PSPC1: variants seen among roughly 807,000 people sequenced by gnomAD.
PSPC1 encodes paraspeckle protein 1.
In PSPC1, 14 loss-of-function variants were observed where a neutral mutation model predicts 51.6. The ratio of observed to expected loss-of-function variants is 0.27; its 90% CI spans 0.18 to 0.42. The LOEUF (loss-of-function observed/expected upper bound fraction) is 0.42. Among genes scored for constraint, PSPC1 ranks in the 10% least tolerant of loss-of-function variants. The pLI is 1.00. For synonymous variants in PSPC1, 193 were observed against 231.9 expected, an observed-to-expected ratio of 0.83 and a Z score of 1.53; for missense variants, 406 against 701.1, an observed-to-expected ratio of 0.58 and a Z score of 4.75.
intron 6 of PSPC1, chr13:19,678,590 C>A (rs189893389): frequency 6.6e-6 from 1 of 152,198 alleles, no homozygotes; most frequent in Non-Finnish European, 1.5e-5. Context: ...ACTCAATTTG[C>A]CTGAGAATTG....
intron 6 of PSPC1, chr13:19,678,093 T>C: frequency 3.6e-6 from 1 of 281,148 alleles, no homozygotes; most frequent in Middle Eastern, 1.3e-3. Context: ...TACCAAATAA[T>C]TTTCAGATCT....
chr13:19,758,844 A>T (rs1303071269), intron 3 of PSPC1, among the ~76,000 whole-genome samples: 3 of 151,682 alleles, frequency 2.0e-5, no homozygotes, highest in Non-Finnish European at 2.9e-5. Context: ...TCAAAAACAA[A>T]AAAAAAAAAA....
chr13:19,671,672 T>C (rs1593495592), downstream of PSPC1, among the ~76,000 whole-genome samples: 1 of 152,250 alleles, frequency 6.6e-6, no homozygotes, highest in South Asian at 2.1e-4. Context: ...CTTGGAATTA[T>C]TTCTTGAATT....
Position 19,782,704 on chromosome 13 carries a change from G to A in PSPC1, c.54C>T (p.Arg18=), listed in dbSNP as rs746566107. The stretch of plus-strand genomic sequence containing the variant: ...CCACCGCGGACTCCAGGGCGCGAAG[G>A]CGGGCCGGGTTTTTCTCAATGCGCA... The part of the protein sequence containing the change: ...KQVRIEKNPA[R]LRALESAVGE... The change falls in exon 1 of 9, where the codon CGC becomes CGT. Residue 18 remains arginine (R), a synonymous_variant. Coordinates refer to ENST00000338910, the MANE Select transcript of PSPC1 (RefSeq NM_001354909.2). This position sits in a 1 kb window ranked among gnomAD's most constrained non-coding sequence, Gnocchi z 4.5. 1.3e-5 allele frequency: 21 copies of A among 1,571,310 alleles called. No homozygotes were observed. The highest frequency in any genetic ancestry group is 1.5e-5 in the Non-Finnish European group (18 of 1,168,928).
At chr13:19,734,081 T>C (rs1739310775) in intron 5 of PSPC1, among the ~76,000 whole-genome samples, 1 of 152,162 alleles carries the variant, frequency 6.6e-6, no homozygotes, top group African/African-American at 2.4e-5. Flanking sequence ...GATTCTATAA[T>C]CTAAATTTAA....
rs780885762 is a variant in PSPC1 at position 19,782,711 on chromosome 13, G to C, written c.47C>G (p.Pro16Arg). 14 of 1,569,914 alleles carry C rather than the reference G, an allele frequency of 8.9e-6. No individual in the cohort carries two copies. The highest frequency in any genetic ancestry group is 1.4e-5 in the African/African-American group (1 of 70,706). Residue 16 changes from proline to arginine, a missense_variant, in exon 1 of 9, where the codon CCG becomes CGG. Pro to Arg is a moderately radical substitution (Grantham distance 103). This residue lies in a region of PSPC1 where 128 missense variants were observed against 107.1 expected (regional missense o/e 1.20). Coordinates refer to ENST00000338910, the MANE Select transcript of PSPC1 (RefSeq NM_001354909.2). This position sits in a 1 kb window ranked among gnomAD's most constrained non-coding sequence, Gnocchi z 4.5. The stretch of plus-strand genomic sequence containing the variant: ...GGACTCCAGGGCGCGAAGGCGGGCC[G>C]GGTTTTTCTCAATGCGCACTTGCTT... ...NLKQVRIEKN[P>R]ARLRALESAV...
intron 2 of PSPC1, among the ~76,000 whole-genome samples, chr13:19,768,925 A>T (rs1888336927): frequency 6.7e-6 from 1 of 149,640 alleles, no homozygotes; most frequent in Admixed American, 6.7e-5. Flanking sequence ...ACTTGAGGCC[A>T]GGAGTTCCTG....
chr13:19,747,104 G>A (rs1197832507), intron 4 of PSPC1, among the ~76,000 whole-genome samples: 2 of 151,750 alleles, frequency 1.3e-5, no homozygotes, highest in Admixed American at 6.6e-5. Context: ...GTGAAACTCC[G>A]TCTCAAAAAA....
chr13:19,686,876 T>C (rs1453784109), intron 6 of PSPC1, among the ~76,000 whole-genome samples: 1 of 152,144 alleles, frequency 6.6e-6, no homozygotes, highest in African/African-American at 2.4e-5. Flanking sequence ...TATTTCCTCA[T>C]GTTGGCCACT....
chr13:19,741,959 C>G (rs1260388061), intron 4 of PSPC1, among the ~76,000 whole-genome samples: 3 of 151,850 alleles, frequency 2.0e-5, no homozygotes, highest in Non-Finnish European at 4.4e-5. Context: ...AGGCAAAACC[C>G]CAACTCTACC....
At chr13:19,688,699 C>T (rs1878211337) in intron 6 of PSPC1, among the ~76,000 whole-genome samples, 1 of 152,174 alleles carries the variant, frequency 6.6e-6, no homozygotes, top group African/African-American at 2.4e-5. Flanking sequence ...TTCCATGCCA[C>T]CCAGACCTAC....
In PSPC1 at chr13:19,750,158, G is replaced by A. The variant is rs140140831; in HGVS notation, c.967+1113C>T. On this transcript the variant is annotated intron_variant, in intron 4 of 8. Transcript: ENST00000338910. ...AAATACTGAATCTAGTACACAGAAC[G>A]GTTTAAAGAAAGCCAAGATTAGATG... 9.8e-3 allele frequency among the ~76,000 whole-genome samples: 1,495 copies of A among 152,154 alleles called. 24 individuals are homozygous for A. The highest frequency in any genetic ancestry group is 0.034 in the African/African-American group (1,418 of 41,506).
rs763884215 is a variant in PSPC1 at position 19,772,307 on chromosome 13, A to G, written c.609T>C (p.Phe203=). The change falls in exon 2 of 9, where the codon TTT becomes TTC. Residue 203 remains phenylalanine, a synonymous_variant. Coordinates refer to ENST00000338910, the MANE Select transcript of PSPC1 (RefSeq NM_001354909.2). ...CCTTTCGTGCAGGAGGTTTTGCTGCAAACTCTACAAAACCTTTTCCTGTAG... is the reference window on the plus strand; with the variant it reads ...CCTTTCGTGCAGGAGGTTTTGCTGCGAACTCTACAAAACCTTTTCCTGTAG... The part of the protein sequence containing the change: ...GRATGKGFVE[F]AAKPPARKAL... 2.9e-5 allele frequency: 47 copies of G among 1,614,102 alleles called. No individual in the cohort carries two copies. Among genetic ancestry groups the G allele is most frequent in the Non-Finnish European group, 3.8e-5 (45 of 1,180,052 alleles).
At chr13:19,767,505 C>A (rs1016254313) in intron 2 of PSPC1, among the ~76,000 whole-genome samples, 1 of 151,930 alleles carries the variant, frequency 6.6e-6, no homozygotes, top group African/African-American at 2.4e-5. Flanking sequence ...ATACAAAGAA[C>A]CTAAATAGCC....
chr13:19,722,017 T>A (rs74035408), intron 6 of PSPC1, among the ~76,000 whole-genome samples: 2 of 152,194 alleles, frequency 1.3e-5, no homozygotes, highest in Non-Finnish European at 2.9e-5. Flanking sequence ...ATAACTGAGC[T>A]GCATTGGCAT....
At chr13:19,737,341 T>C (rs1884951369) in intron 5 of PSPC1, 1 of 152,220 alleles carries the variant, frequency 6.6e-6, no homozygotes, top group South Asian at 2.1e-4. Context: ...TCCAACAGTC[T>C]GTAACAGTTC....
intron 6 of PSPC1, among the ~76,000 whole-genome samples, chr13:19,689,095 G>A (rs1018919722): frequency 1.1e-4 from 16 of 152,008 alleles, no homozygotes; most frequent in Non-Finnish European, 1.6e-4. Flanking sequence ...GTCAACTGTC[G>A]ACATGAGCTG....
At chr13:19,731,865 A>G (rs1274081078) in intron 5 of PSPC1, among the ~76,000 whole-genome samples, 1 of 152,212 alleles carries the variant, frequency 6.6e-6, no homozygotes, top group Non-Finnish European at 1.5e-5. Context: ...CCCATAATGG[A>G]TACTCAAGGT....
chr13:19,757,018 T>G (rs1887145553), intron 3 of PSPC1, among the ~76,000 whole-genome samples: 1 of 151,360 alleles, frequency 6.6e-6, no homozygotes, highest in East Asian at 2.0e-4. Context: ...CAGTCCCAGC[T>G]ACTTGGGATG....
Sources: gnomAD v4.1 joint callset for allele counts (sites outside exome capture counted in the v4.1 genomes callset) on GRCh38, gnomAD v4.1.1 for gene constraint, gnomAD v4.1.1 regional missense constraint, Gnocchi (gnomAD v3.1) non-coding constraint, MANE v1.5 for transcripts, NCBI Gene and HGNC (gene_info 2026-07-23, HGNC 2026-07-21) for gene names.